The following CEP112 variants were observed in gnomAD, a reference collection of about 807,000 sequenced individuals.
CEP112 encodes the protein centrosomal protein of 112 kDa.
CEP112 carries 127 observed loss-of-function variants against 153.0 expected under a neutral mutation model. The ratio of observed to expected loss-of-function variants is 0.83; its 90% CI spans 0.72 to 0.96. The LOEUF is 0.96. Ranked by LOEUF, CEP112 falls within the 40% of genes least tolerant of loss-of-function variation. The pLI is 0.00. For synonymous variants in CEP112, 358 were observed against 374.4 expected, an observed-to-expected ratio of 0.96 and a Z score of 0.51; for missense variants, 1,089 against 1,101.2, an observed-to-expected ratio of 0.99 and a Z score of 0.16.
chr17:65,745,778 T>A (rs1224435383), intron 22 of CEP112, among the ~76,000 whole-genome samples: 1 of 152,088 alleles, frequency 6.6e-6, no homozygotes, highest in Non-Finnish European at 1.5e-5. Flanking sequence ...ACAAAGTAAT[T>A]TTTTCTTTAA....
intron 19 of CEP112, among the ~76,000 whole-genome samples, chr17:65,907,178 T>C (rs936678561): frequency 4.6e-5 from 7 of 152,338 alleles, no homozygotes; most frequent in African/African-American, 1.7e-4. Flanking sequence ...TTAGTAATGA[T>C]ACCTCCTTGT....
intron 21 of CEP112, among the ~76,000 whole-genome samples, chr17:65,780,474 A>G (rs1197940838): frequency 6.6e-6 from 1 of 152,114 alleles, no homozygotes; most frequent in East Asian, 1.9e-4. Context: ...AGAAGCAACT[A>G]TTCTCTGATG....
chr17:66,013,345 A>G (rs1309015226), intron 16 of CEP112, among the ~76,000 whole-genome samples: 1 of 152,142 alleles, frequency 6.6e-6, no homozygotes, highest in African/African-American at 2.4e-5. Context: ...GTGTGGGCTC[A>G]TGTCCCTTCA....
At chr17:66,169,485 C>T (rs903719721) in intron 4 of CEP112, among the ~76,000 whole-genome samples, 1 of 151,950 alleles carries the variant, frequency 6.6e-6, no homozygotes, top group African/African-American at 2.4e-5. Context: ...GGGGTTTCAC[C>T]ATATTGGCCA....
chr17:66,106,184 A>G lies in CEP112; in HGVS notation c.643-9552T>C, dbSNP rs551860040. 4.1e-4 allele frequency among the ~76,000 whole-genome samples: 62 copies of G among 152,176 alleles called. 1 individual carries two copies. The highest frequency in any genetic ancestry group is 2.5e-4 in the Non-Finnish European group (17 of 68,024). Reference sequence around the variant, plus strand: ...AGTAAGAGGAAAGTTTATAGCAAGAATTATCAATATGAAAAAGGTAGAAAA... The same window carrying G: ...AGTAAGAGGAAAGTTTATAGCAAGAGTTATCAATATGAAAAAGGTAGAAAA... On this transcript the variant is annotated intron_variant, in intron 6 of 26. Transcript: ENST00000535342.
chr17:65,924,520 G>A (rs2060851758), intron 19 of CEP112, among the ~76,000 whole-genome samples: 1 of 151,974 alleles, frequency 6.6e-6, no homozygotes, highest in East Asian at 1.9e-4. Context: ...GTGCATATGT[G>A]TCTGCATACA....
In CEP112 at chr17:65,906,021, T is replaced by A. The variant is rs34310465; in HGVS notation, c.1981-3687A>T. 7.2e-3 allele frequency among the ~76,000 whole-genome samples: 1,086 copies of A among 151,554 alleles called. 13 individuals are homozygous for A. Among genetic ancestry groups the A allele is most frequent in the South Asian group, 0.011 (55 of 4,790 alleles). On this transcript the variant is annotated intron_variant, in intron 19 of 26. Coordinates refer to ENST00000535342, the MANE Select transcript of CEP112 (RefSeq NM_001199165.4). ...ACAATAGCAAAGACTTGAAACTCAC[T>A]CAAATGCCCACCAATGATAGACTAG... is the stretch of plus-strand genomic sequence containing the variant.
chr17:65,660,750 T>C (rs188137680), intron 24 of CEP112, among the ~76,000 whole-genome samples: 3 of 152,056 alleles, frequency 2.0e-5, no homozygotes, highest in Admixed American at 2.0e-4. Context: ...GTTTTTGCCA[T>C]GTTGCCCAGC....
chr17:66,089,867 T>A (rs1340880910), intron 8 of CEP112, among the ~76,000 whole-genome samples: 3 of 152,136 alleles, frequency 2.0e-5, no homozygotes, highest in Admixed American at 2.0e-4. Flanking sequence ...CAAGCAAGAC[T>A]ATACCAAGCC....
chr17:66,096,826 C>T (rs1470357016), intron 6 of CEP112, among the ~76,000 whole-genome samples, 194 bp from the exon 7 acceptor site: 1 of 152,082 alleles, frequency 6.6e-6, no homozygotes, highest in Non-Finnish European at 1.5e-5. Flanking sequence ...CATAAACTCC[C>T]TTGCATGCCA....
intron 23 of CEP112, among the ~76,000 whole-genome samples, chr17:65,699,980 G>A (rs1055984404): frequency 6.6e-6 from 1 of 151,886 alleles, no homozygotes; most frequent in African/African-American, 2.4e-5. Context: ...TATTCTCCTG[G>A]ACCTCTCTGT....
chr17:65,657,302 AT>A (rs1385148607), intron 24 of CEP112, among the ~76,000 whole-genome samples: 2 of 152,018 alleles, frequency 1.3e-5, no homozygotes, highest in Admixed American at 1.3e-4. Flanking sequence ...CATTCCTAAT[AT>A]TTTTTCTTTC....
intron 12 of CEP112, among the ~76,000 whole-genome samples, chr17:66,034,688 T>C (rs902832881): frequency 1.3e-5 from 2 of 151,952 alleles, no homozygotes; most frequent in African/African-American, 4.8e-5. Flanking sequence ...CAGAAAGATA[T>C]CCAACAAATC....
intron 23 of CEP112, among the ~76,000 whole-genome samples, chr17:65,705,778 G>T (rs1177221454): frequency 6.6e-6 from 1 of 152,194 alleles, no homozygotes; most frequent in Non-Finnish European, 1.5e-5. Flanking sequence ...TTTGGATCCT[G>T]ATTCAGACAA....
chr17:66,012,189 A>G (rs1042087778), intron 16 of CEP112, among the ~76,000 whole-genome samples: 1 of 151,820 alleles, frequency 6.6e-6, no homozygotes, highest in Non-Finnish European at 1.5e-5. Context: ...CCTTTATCCA[A>G]CTCTGTGCCT....
At chr17:66,173,193 T>C (rs1188250053) in intron 4 of CEP112, among the ~76,000 whole-genome samples, 1 of 152,142 alleles carries the variant, frequency 6.6e-6, no homozygotes, top group Non-Finnish European at 1.5e-5. Context: ...TCAAGCTCAA[T>C]AACAGATGCA....
At chr17:65,842,161 T>C (rs1292997831) in intron 21 of CEP112, among the ~76,000 whole-genome samples, 1 of 152,076 alleles carries the variant, frequency 6.6e-6, no homozygotes, top group African/African-American at 2.4e-5. Context: ...AGAACTCCAA[T>C]TTTTAATGGT....
Position 66,005,712 on chromosome 17 carries a change from G to A in CEP112, c.1714C>T (p.His572Tyr), listed in dbSNP as rs372764455. 7 of 1,610,078 alleles carry A rather than the reference G, an allele frequency of 4.3e-6. No homozygotes were observed. In the Admixed American group the frequency reaches 5.1e-5, roughly 12 times the overall value. Residue 572 changes from histidine to tyrosine, a missense_variant, in exon 17 of 27, where the codon CAT (histidine) becomes TAT (tyrosine). His to Tyr is a moderately conservative substitution (Grantham distance 83). Coordinates refer to ENST00000535342, the MANE Select transcript of CEP112 (RefSeq NM_001199165.4). ...KGKEDTQKKI[H>Y]KFEEALKEKE... ...CACTTCAAAGCTTCCTCAAATTTAT[G>A]AATTTTCTTTTGAGTATCTTCTTTT...
chr17:65,646,031 C>T lies in CEP112; in HGVS notation c.2698-4966G>A, dbSNP rs77918752. Among the ~76,000 whole-genome samples the T allele has an allele frequency of 2.3e-3, 347 of 152,282 alleles. 1 individual carries two copies. Among genetic ancestry groups the T allele is most frequent in the African/African-American group, 8.0e-3 (334 of 41,552 alleles). On this transcript the variant is annotated intron_variant, in intron 24 of 26. Transcript: ENST00000535342. ...TGGAGGTCACGGCCAAGTACTTAAG[C>T]CCTTTGGTTCACGCTTATGGTTGGT...
Sources: allele counts gnomAD v4.1 joint callset (sites outside exome capture counted in the v4.1 genomes callset), GRCh38; gene constraint gnomAD v4.1.1; transcripts MANE v1.5; gene names NCBI Gene and HGNC (gene_info 2026-07-23, HGNC 2026-07-21).